The following NALF1 variants were observed in gnomAD, a reference collection of about 807,000 sequenced individuals.
The protein encoded by NALF1 is NALCN channel auxiliary factor 1, also known as family with sequence similarity 155 member A.
NALF1 carries 3 observed loss-of-function variants against 48.4 expected under a neutral mutation model. The ratio of observed to expected loss-of-function variants is 0.06; its 90% CI spans 0.03 to 0.16. The LOEUF (loss-of-function observed/expected upper bound fraction) is 0.16. Ranked by LOEUF, NALF1 falls within the 10% of genes least tolerant of loss-of-function variation. The pLI, the probability that NALF1 is intolerant of heterozygous loss-of-function variation, is 1.00. For missense variants in NALF1, 526 were observed against 571.5 expected (o/e 0.92, Z 0.81); for synonymous variants, 262 against 245.7 (o/e 1.07, Z -0.62).
intron 1 of NALF1, among the ~76,000 whole-genome samples, chr13:107,359,017 A>C (rs1883013023): frequency 6.6e-6 from 1 of 152,094 alleles, no homozygotes; most frequent in Admixed American, 6.6e-5. Context: ...TCTCCCTTTA[A>C]TCTTATATTC....
chr13:107,777,251 T>C (rs1291482643), intron 1 of NALF1, among the ~76,000 whole-genome samples: 2 of 152,156 alleles, frequency 1.3e-5, no homozygotes, highest in Non-Finnish European at 2.9e-5. Context: ...AAATTATGTT[T>C]AGAAAAAGTT....
intron 1 of NALF1, among the ~76,000 whole-genome samples, chr13:107,517,601 C>T (rs1469102197): frequency 6.6e-6 from 1 of 151,866 alleles, no homozygotes; most frequent in Non-Finnish European, 1.5e-5. Flanking sequence ...CACTGCTGCA[C>T]TCCAGCCTGG....
intron 1 of NALF1, among the ~76,000 whole-genome samples, chr13:107,246,380 T>C (rs1358672988): frequency 6.6e-6 from 1 of 150,532 alleles, no homozygotes; most frequent in Non-Finnish European, 1.5e-5. Flanking sequence ...ACAAAACAGA[T>C]AGACTTAGAC....
intron 1 of NALF1, among the ~76,000 whole-genome samples, chr13:107,420,775 C>T (rs1594053781): frequency 6.6e-6 from 1 of 152,114 alleles, no homozygotes; most frequent in African/African-American, 2.4e-5. Context: ...ATGTAATGGT[C>T]AAGTCAGAGC....
At chr13:107,295,003 T>G (rs1382880853) in intron 1 of NALF1, among the ~76,000 whole-genome samples, 2 of 151,974 alleles carry the variant, frequency 1.3e-5, no homozygotes, top group South Asian at 4.2e-4. Flanking sequence ...TTCTTTTGAC[T>G]TTTGTTTTAG....
At chr13:107,244,837 T>G (rs553807891) in intron 1 of NALF1, among the ~76,000 whole-genome samples, 3 of 152,304 alleles carry the variant, frequency 2.0e-5, no homozygotes, top group South Asian at 4.1e-4. Context: ...AATATTTGCC[T>G]ACTAATTTTT....
intron 1 of NALF1, among the ~76,000 whole-genome samples, chr13:107,307,635 T>A (rs1197469145): frequency 1.2e-4 from 14 of 117,420 alleles, no homozygotes; most frequent in East Asian, 2.5e-4. Context: ...CCTTTTTTAT[T>A]AAAAAAAAAA....
At chr13:107,358,246 C>T (rs938867721) in intron 1 of NALF1, among the ~76,000 whole-genome samples, 5 of 151,826 alleles carry the variant, frequency 3.3e-5, no homozygotes, top group African/African-American at 4.8e-5. Context: ...AAGACAATTT[C>T]GACTGATTCT....
rs921748517 is a variant in NALF1 at position 107,842,028 on chromosome 13, G to A, written c.915+23654C>T. Reference sequence around the variant, plus strand: ...AACTCTTTTAAATTTATTACTTGAAGTATCATATTCATTTATACATAATAA... The same window carrying A: ...AACTCTTTTAAATTTATTACTTGAAATATCATATTCATTTATACATAATAA... On this transcript the variant is annotated intron_variant, in intron 1 of 2. Coordinates refer to ENST00000375915, the MANE Select transcript of NALF1 (RefSeq NM_001080396.3). 3.3e-5 allele frequency among the ~76,000 whole-genome samples: 5 copies of A among 152,006 alleles called. No individual in the cohort carries two copies. The South Asian group carries it at 8.3e-4, about 25-fold the overall frequency.
At chr13:107,592,778 A>G (rs990339187) in intron 1 of NALF1, among the ~76,000 whole-genome samples, 2 of 151,934 alleles carry the variant, frequency 1.3e-5, no homozygotes, top group African/African-American at 4.8e-5. Flanking sequence ...CCTTCTTTGC[A>G]TGACTTTTAA....
chr13:107,399,327 A>G (rs563583846), intron 1 of NALF1, among the ~76,000 whole-genome samples: 1 of 152,254 alleles, frequency 6.6e-6, no homozygotes, highest in East Asian at 1.9e-4. Flanking sequence ...TTTCAGAAAA[A>G]TGAACAGCTT....
intron 1 of NALF1, chr13:107,788,303 TTA>T (rs1878132262): frequency 6.6e-6 from 1 of 152,192 alleles, no homozygotes; most frequent in Non-Finnish European, 1.5e-5. Context: ...GGCCCAAATG[TTA>T]TGTTTTTTAA....
At chr13:107,729,864 G>C (rs375845577) in intron 1 of NALF1, among the ~76,000 whole-genome samples, 38 of 152,272 alleles carry the variant, frequency 2.5e-4, no homozygotes, top group African/African-American at 8.4e-4. Flanking sequence ...CATACAGTTA[G>C]TTATTTATTA....
intron 1 of NALF1, among the ~76,000 whole-genome samples, chr13:107,259,227 T>C (rs530905944): frequency 2.7e-4 from 41 of 152,264 alleles, no homozygotes; most frequent in African/African-American, 9.1e-4. Context: ...TTTTCTTTAT[T>C]CATCTTTGCC....
At chr13:107,431,621 A>T (rs2139017909) in intron 1 of NALF1, among the ~76,000 whole-genome samples, 1 of 152,304 alleles carries the variant, frequency 6.6e-6, no homozygotes, top group Non-Finnish European at 1.5e-5. Flanking sequence ...TGGGCACAAG[A>T]GTGAGGGATG....
intron 1 of NALF1, among the ~76,000 whole-genome samples, chr13:107,800,370 CAGG>C (rs1344695767): frequency 2.0e-5 from 3 of 151,666 alleles, no homozygotes; most frequent in Admixed American, 2.0e-4. Context: ...ATCACTTTTT[CAGG>C]AGTTCTGTCA....
intron 1 of NALF1, chr13:107,788,412 G>C (rs1265210368): frequency 6.6e-6 from 1 of 152,008 alleles, no homozygotes; most frequent in East Asian, 1.9e-4. Flanking sequence ...TCTTCTTCCT[G>C]CACTGGTGGA....
At chr13:107,753,611 G>A (rs893663173) in intron 1 of NALF1, among the ~76,000 whole-genome samples, 9 of 151,514 alleles carry the variant, frequency 5.9e-5, no homozygotes, top group African/African-American at 9.7e-5. Context: ...TTTTATTCAC[G>A]TCAAGGCAAA....
chr13:107,862,228 C>A (rs1880589987), intron 1 of NALF1, among the ~76,000 whole-genome samples: 1 of 151,882 alleles, frequency 6.6e-6, no homozygotes, highest in Admixed American at 6.6e-5. Context: ...AGTTTATATC[C>A]CATAAATTCC....
Sources: gnomAD v4.1 joint callset for allele counts (sites outside exome capture counted in the v4.1 genomes callset) on GRCh38, gnomAD v4.1.1 for gene constraint, MANE v1.5 for transcripts, NCBI Gene and HGNC (gene_info 2026-07-23, HGNC 2026-07-21) for gene names.